PLD5: variants seen among roughly 807,000 people sequenced by gnomAD.
PLD5 encodes the protein inactive phospholipase D5.
In PLD5, 36 loss-of-function variants were observed where a neutral mutation model predicts 61.1. The observed-to-expected ratio is 0.59, with a 90% confidence interval of 0.45 to 0.78. PLD5 has a LOEUF of 0.78. Ranked by LOEUF, PLD5 falls within the 30% of genes least tolerant of loss-of-function variation. The pLI, the probability that PLD5 is intolerant of heterozygous loss-of-function variation, is 0.00. For missense variants in PLD5, 515 were observed against 644.4 expected (o/e 0.80, Z 2.17); for synonymous variants, 243 against 242.8 (o/e 1.00, Z -0.01).
intron 3 of PLD5, among the ~76,000 whole-genome samples, chr1:242,283,150 T>G (rs1280535325): frequency 6.6e-6 from 1 of 152,210 alleles, no homozygotes; most frequent in East Asian, 1.9e-4. Context: ...AAAGCACATA[T>G]TCATCATTCC....
chr1:242,468,842 C>T (rs912761287), intron 1 of PLD5, among the ~76,000 whole-genome samples: 4 of 152,190 alleles, frequency 2.6e-5, no homozygotes, highest in East Asian at 1.9e-4. Context: ...TCATGCTCCA[C>T]GTGGTTTACA....
chr1:242,298,206 T>C (rs1369793810), intron 2 of PLD5, among the ~76,000 whole-genome samples: 2 of 152,228 alleles, frequency 1.3e-5, no homozygotes, highest in Non-Finnish European at 2.9e-5. Context: ...TCTATAATTC[T>C]AGATGATTCA....
At chr1:242,478,742 C>A (rs11805059) in intron 1 of PLD5, among the ~76,000 whole-genome samples, 2,351 of 152,200 alleles carry the variant, frequency 0.015, 57 homozygotes, top group African/African-American at 0.054. Flanking sequence ...TCATTGTTCT[C>A]CTCCTCGAGA....
At chr1:242,379,023 C>T (rs150031900) in intron 1 of PLD5, among the ~76,000 whole-genome samples, 2 of 152,124 alleles carry the variant, frequency 1.3e-5, no homozygotes, top group South Asian at 4.2e-4. Flanking sequence ...GTCTTTCACA[C>T]TTCAGAACTT....
At chr1:242,190,299 C>T (rs538488413) in intron 5 of PLD5, among the ~76,000 whole-genome samples, 1 of 151,998 alleles carries the variant, frequency 6.6e-6, no homozygotes, top group Non-Finnish European at 1.5e-5. Flanking sequence ...GCACCTGCCA[C>T]CACGCCCGGC....
chr1:242,370,086 AAAC>A (rs1477706261), intron 1 of PLD5, among the ~76,000 whole-genome samples: 1 of 152,162 alleles, frequency 6.6e-6, no homozygotes, highest in African/African-American at 2.4e-5. Flanking sequence ...ACACACCAAC[AAAC>A]AAAAAGAGCC....
intron 1 of PLD5, chr1:242,376,777 G>T: frequency 2.5e-6 from 2 of 793,990 alleles, no homozygotes; most frequent in South Asian, 1.9e-5. Flanking sequence ...ATACGACGAG[G>T]TGAAGGAAGG....
intron 5 of PLD5, among the ~76,000 whole-genome samples, chr1:242,180,020 C>T (rs1667420001): frequency 6.6e-6 from 1 of 152,170 alleles, no homozygotes; most frequent in South Asian, 2.1e-4. Context: ...TCAGTGCACA[C>T]TCACTAAAAT....
intron 1 of PLD5, among the ~76,000 whole-genome samples, chr1:242,504,584 T>C (rs1224879255): frequency 6.6e-6 from 1 of 152,066 alleles, no homozygotes; most frequent in Non-Finnish European, 1.5e-5. Context: ...AAGCATTTTT[T>C]AACTGTGATA....
intron 1 of PLD5, among the ~76,000 whole-genome samples, chr1:242,515,510 G>A (rs552657455): frequency 6.6e-6 from 1 of 152,302 alleles, no homozygotes; most frequent in African/African-American, 2.4e-5. Flanking sequence ...ACCACGCCTG[G>A]CCAGCTTTGC....
rs944149997 is a variant in PLD5, at chr1:242,089,111, A to G, written c.*743T>C. On this transcript the variant is annotated 3_prime_UTR_variant, in exon 10 of 10. Transcript: ENST00000536534. Reference sequence around the variant, plus strand: ...TTTTAAATACCAATTCGGTAGGGGAAAAAAGGATTCAGTTGAAAGGTGAAA... The same window carrying G: ...TTTTAAATACCAATTCGGTAGGGGAGAAAAGGATTCAGTTGAAAGGTGAAA... 1 of 386,038 alleles carries G rather than the reference A, an allele frequency of 2.6e-6. No homozygotes were observed. The highest frequency in any genetic ancestry group is 3.7e-5 in the East Asian group (1 of 27,328). The allele number at this position is 386,038 out of a possible 1,614,324, so 23.9% of individuals were successfully genotyped here.
intron 3 of PLD5, among the ~76,000 whole-genome samples, chr1:242,275,845 C>T (rs924033907): frequency 7.2e-5 from 11 of 152,094 alleles, no homozygotes; most frequent in East Asian, 1.9e-4. Flanking sequence ...CCTTGTAAGA[C>T]GCATTGAAGA....
rs1254721116 is a variant in PLD5, at chr1:242,394,279, TGTATATATATGA to T, written c.190-46049_190-46038del. 3.7e-4 allele frequency among the ~76,000 whole-genome samples: 34 copies of T among 92,598 alleles called. 6 individuals carry two copies. In the East Asian group the frequency reaches 4.4e-3, roughly 12 times the overall value. The allele number at this position is 92,598 out of a possible 152,430, so 60.7% of individuals were successfully genotyped here. ...ATATATGAGTATGAGTATATATATG[TGTATATATATGA>T]GTATATATATGAGTATATATGTGTG... is the stretch of plus-strand genomic sequence containing the variant. On this transcript the variant is annotated intron_variant, in intron 1 of 9. Transcript: ENST00000536534.
At chr1:242,152,461 C>T (rs1032317029) in intron 5 of PLD5, among the ~76,000 whole-genome samples, 1 of 152,054 alleles carries the variant, frequency 6.6e-6, no homozygotes, top group African/African-American at 2.4e-5. Flanking sequence ...ACCCATCAAC[C>T]TGACACCTAC....
intron 1 of PLD5, among the ~76,000 whole-genome samples, chr1:242,458,778 A>G (rs190327881): frequency 6.6e-6 from 1 of 152,216 alleles, no homozygotes; most frequent in African/African-American, 2.4e-5. Flanking sequence ...TTTAATCAAT[A>G]TCATAGTATT....
intron 1 of PLD5, among the ~76,000 whole-genome samples, chr1:242,503,107 A>G (rs1333843900): frequency 2.0e-5 from 3 of 152,056 alleles, no homozygotes; most frequent in Non-Finnish European, 1.5e-5. Flanking sequence ...TTTCCCACCC[A>G]ATAACCACTC....
intron 2 of PLD5, among the ~76,000 whole-genome samples, chr1:242,326,391 G>A (rs148064926): frequency 6.6e-6 from 1 of 152,216 alleles, no homozygotes; most frequent in African/African-American, 2.4e-5. Flanking sequence ...GTGAAAACAC[G>A]GGGTCATGCT....
At chr1:242,092,894 A>G (rs1659945709) in intron 9 of PLD5, among the ~76,000 whole-genome samples, 1 of 151,984 alleles carries the variant, frequency 6.6e-6, no homozygotes, top group Non-Finnish European at 1.5e-5. Flanking sequence ...TTTTACTCCT[A>G]AAGTTTATTC....
intron 2 of PLD5, among the ~76,000 whole-genome samples, chr1:242,330,832 G>C (rs1343820497): frequency 6.6e-6 from 1 of 152,072 alleles, no homozygotes; most frequent in African/African-American, 2.4e-5. Context: ...GAGGAAAAAG[G>C]GATTTTGGAG....
Sources: gnomAD v4.1 joint callset for allele counts (sites outside exome capture counted in the v4.1 genomes callset) on GRCh38, gnomAD v4.1.1 for gene constraint, MANE v1.5 for transcripts, NCBI Gene and HGNC (gene_info 2026-07-23, HGNC 2026-07-21) for gene names.